PLD1: variants seen among roughly 807,000 people sequenced by gnomAD.
The protein encoded by PLD1 is phospholipase D1.
PLD1 carries 112 observed loss-of-function variants against 137.1 expected under a neutral mutation model. The observed-to-expected ratio is 0.82, with a 90% CI of 0.70 to 0.96. The LOEUF is 0.96. PLD1 is among the 40% of genes least tolerant of loss of function. The pLI is 0.00. For synonymous variants in PLD1, 431 were observed against 454.7 expected (o/e 0.95, Z 0.66); for missense variants, 1,321 against 1,342.0 (o/e 0.98, Z 0.24).
chr3:171,607,143 T>C (rs368767708), intron 25 of PLD1, among the ~76,000 whole-genome samples: 17 of 152,306 alleles, frequency 1.1e-4, no homozygotes, highest in African/African-American at 4.1e-4. Flanking sequence ...ACCTCAAAGT[T>C]CTGTTTCCAC....
chr3:171,724,761 T>A lies in PLD1; in HGVS notation c.693A>T (p.Gly231=), dbSNP rs779120828. 14 of 1,609,400 alleles carry A rather than the reference T, an allele frequency of 8.7e-6. No homozygotes were observed. Among genetic ancestry groups the A allele is most frequent in the Non-Finnish European group, 1.2e-5 (14 of 1,176,788 alleles). The stretch of plus-strand genomic sequence containing the variant: ...AATTCAAGCCTGGTATTCTGTGTCC[T>A]CCAGATCTTTTCATTATCATACCTT... ...GIEGMIMKRS[G]GHRIPGLNCC... is the part of the protein sequence containing the mutation. The change falls in exon 8 of 27, where the codon GGA becomes GGT. Residue 231 remains glycine (G), a synonymous_variant. Coordinates refer to ENST00000351298, the MANE Select transcript of PLD1 (RefSeq NM_002662.5).
intron 1 of PLD1, among the ~76,000 whole-genome samples, chr3:171,774,151 C>T (rs562559384): frequency 2.1e-4 from 32 of 152,288 alleles, no homozygotes; most frequent in African/African-American, 4.8e-4. Flanking sequence ...GAACCCAGGT[C>T]GGTGCTCCTA....
At chr3:171,663,472 G>A (rs530494600) in intron 19 of PLD1, among the ~76,000 whole-genome samples, 60 of 152,330 alleles carry the variant, frequency 3.9e-4, no homozygotes, top group Admixed American at 2.4e-3. Flanking sequence ...GTGAATTACC[G>A]TGAAATGTGT....
intron 1 of PLD1, among the ~76,000 whole-genome samples, chr3:171,742,582 A>G (rs1409921765): frequency 6.6e-6 from 1 of 151,650 alleles, no homozygotes; most frequent in African/African-American, 2.4e-5. Flanking sequence ...GTATGAACGT[A>G]AAAAAAAATT....
Position 171,709,636 on chromosome 3 carries a change from T to C in PLD1, c.985A>G (p.Lys329Glu), listed in dbSNP as rs1206367770. 6.2e-7 allele frequency: 1 copy of C among 1,614,056 alleles called. No individual in the cohort carries two copies. Among genetic ancestry groups the C allele is most frequent in the Non-Finnish European group, 8.5e-7 (1 of 1,179,894 alleles). ...WGGAIEEFIQKHGTNFLKDHR... is the reference protein window; with the variant it reads ...WGGAIEEFIQEHGTNFLKDHR... ...TCTTTGAGAAAGTTGGTGCCATGTTTCTGGATGAATTCTTCTATAGCCCCT... is the reference window on the plus strand; with the variant it reads ...TCTTTGAGAAAGTTGGTGCCATGTTCCTGGATGAATTCTTCTATAGCCCCT... The change falls in exon 10 of 27, where the codon AAA becomes GAA. Residue 329 changes from lysine to glutamate, a missense_variant. Transcript: ENST00000351298.
At chr3:171,790,870 T>C (rs57591948) in intron 1 of PLD1, among the ~76,000 whole-genome samples, 27 of 152,338 alleles carry the variant, frequency 1.8e-4, no homozygotes, top group African/African-American at 6.3e-4. Flanking sequence ...GGGGCTCTGA[T>C]ACTTGTAGTG....
At chr3:171,746,852 C>G (rs1720228596) in intron 1 of PLD1, among the ~76,000 whole-genome samples, 1 of 152,228 alleles carries the variant, frequency 6.6e-6, no homozygotes, top group South Asian at 2.1e-4. Context: ...CAAGACAGCA[C>G]TGGCAACCAG....
chr3:171,615,178 T>C (rs1313252184), intron 24 of PLD1, among the ~76,000 whole-genome samples: 1 of 152,180 alleles, frequency 6.6e-6, no homozygotes, highest in Non-Finnish European at 1.5e-5. Context: ...CCTATTTTTA[T>C]ACAACATATG....
intron 7 of PLD1, 101 bp downstream of exon 7, chr3:171,725,917 A>G (rs1718471084): frequency 1.3e-6 from 1 of 783,832 alleles, no homozygotes; most frequent in Admixed American, 1.9e-5. Context: ...AGAAGCTAGC[A>G]GTAAAGCCAG....
chr3:171,605,492 ATCTC>A lies in PLD1; in HGVS notation c.2883-80_2883-77del, dbSNP rs1048671763. 1.5e-5 allele frequency: 12 copies of A among 813,110 alleles called. No homozygotes were observed. In the African/African-American group the frequency reaches 1.5e-4, roughly 10 times the overall value. The allele number at this position is 813,110 out of a possible 1,614,324, so 50.4% of individuals were successfully genotyped here. A position where few individuals can be genotyped will look rare whatever the true frequency, so the allele number is the denominator to read the frequency against. ...TGCAGGATATATGTCTATTATATCT[ATCTC>A]TATATATGCAAATATATATATGCAA... On this transcript the variant is annotated intron_variant, in intron 25 of 26. Coordinates refer to ENST00000351298, the MANE Select transcript of PLD1 (RefSeq NM_002662.5).
chr3:171,641,057 T>C (rs1301860020), intron 23 of PLD1, among the ~76,000 whole-genome samples: 1 of 152,186 alleles, frequency 6.6e-6, no homozygotes, highest in African/African-American at 2.4e-5. Flanking sequence ...GGTCAAATAA[T>C]GACAATGTGA....
At chr3:171,710,022 T>G (rs984211260) in intron 9 of PLD1, among the ~76,000 whole-genome samples, 1 of 152,158 alleles carries the variant, frequency 6.6e-6, no homozygotes, top group Non-Finnish European at 1.5e-5. Context: ...AAGTATTAGT[T>G]AGAGAGCTGT....
In PLD1 at chr3:171,600,594, T is replaced by C. The variant is rs1486646679; in HGVS notation, c.*2484A>G. The C allele has an allele frequency of 6.6e-6, 1 of 150,842 alleles. No homozygotes were observed. The highest frequency in any genetic ancestry group is 2.4e-5 in the African/African-American group (1 of 40,978). 9.3% of individuals were successfully genotyped at this position (150,842 alleles called of 1,614,324 possible). On this transcript the variant is annotated 3_prime_UTR_variant, in exon 27 of 27. Coordinates refer to ENST00000351298, the MANE Select transcript of PLD1 (RefSeq NM_002662.5). ...CAGAGAATGACAGGTAATTAAGTCA[T>C]ACAGTACATCTTGTGTCCACATTTC...
rs1717474263 is a variant in PLD1 at position 171,714,043 on chromosome 3, C to T, written c.761G>A (p.Trp254Ter). Reference sequence around the variant, plus strand: ...TAAAAAGGAATCTTTCACTATTAACCATCTGTAAGAAGGTAGTAAGTATTT... The same window carrying T: ...TAAAAAGGAATCTTTCACTATTAACTATCTGTAAGAAGGTAGTAAGTATTT... ...GRACYRWSKR[W>*]LIVKDSFLLY... The change falls in exon 9 of 27, where the codon TGG becomes TAG. Residue 254 changes from tryptophan (W) to a stop codon, truncating the protein, a stop_gained and splice_region_variant. Transcript: ENST00000351298. LOFTEE classifies it high-confidence loss of function. 2 of 1,589,602 alleles carry T rather than the reference C, an allele frequency of 1.3e-6. No individual in the cohort carries two copies. The highest frequency in any genetic ancestry group is 1.7e-4 in the Middle Eastern group (1 of 6,034).
chr3:171,792,308 G>A (rs563306148), intron 1 of PLD1: 23 of 311,418 alleles, frequency 7.4e-5, no homozygotes, highest in Admixed American at 6.6e-4. Flanking sequence ...CTGTACCTCC[G>A]TTATTGGCCC....
At chr3:171,633,211 A>G (rs1337740457) in intron 23 of PLD1, among the ~76,000 whole-genome samples, 2 of 152,226 alleles carry the variant, frequency 1.3e-5, no homozygotes, top group East Asian at 3.8e-4. Context: ...TTATTCTGTG[A>G]AAAAAACTGC....
chr3:171,629,605 T>G (rs1411876122), intron 23 of PLD1, among the ~76,000 whole-genome samples: 2 of 152,026 alleles, frequency 1.3e-5, no homozygotes, highest in Admixed American at 1.3e-4. Context: ...CTACCTGACT[T>G]CAAACTATAC....
intron 1 of PLD1, among the ~76,000 whole-genome samples, chr3:171,768,010 CATTATT>C (rs36100351): frequency 1.5e-4 from 23 of 148,728 alleles, no homozygotes; most frequent in Non-Finnish European, 1.5e-4. Flanking sequence ...TTTATGTGTT[CATTATT>C]ATTATTATTA....
At chr3:171,741,414 T>C (rs1413602547) in intron 1 of PLD1, among the ~76,000 whole-genome samples, 3 of 152,220 alleles carry the variant, frequency 2.0e-5, no homozygotes, top group Non-Finnish European at 1.5e-5. Flanking sequence ...TGTTGTCAAA[T>C]CTTCATTTAT....
Sources: allele counts gnomAD v4.1 joint callset (sites outside exome capture counted in the v4.1 genomes callset), GRCh38; gene constraint gnomAD v4.1.1; transcripts MANE v1.5; gene names NCBI Gene and HGNC (gene_info 2026-07-23, HGNC 2026-07-21).